Variants in IDS observed in about 807,000 individuals in gnomAD.
The protein encoded by IDS is alpha-L-iduronate sulfate sulfatase.
In IDS, 1 loss-of-function variant was observed where a neutral mutation model predicts 33.5. The observed-to-expected ratio is 0.03, with a 90% CI of 0.01 to 0.14. The LOEUF (loss-of-function observed/expected upper bound fraction) is 0.14. Among genes scored for constraint, IDS ranks in the 10% least tolerant of loss-of-function variants. The probability of loss-of-function intolerance (pLI) is 1.00; values close to 1 mark genes in which losing one functional copy is unlikely to be tolerated. For missense variants in IDS, 328 were observed against 448.0 expected (o/e 0.73, Z 2.42); for synonymous variants, 191 against 184.4 (o/e 1.04, Z -0.29).
At chrX:149,492,933 A>G (rs2089405414) in intron 6 of IDS, among the ~76,000 whole-genome samples, 2 of 109,889 alleles carry the variant, frequency 1.8e-5, no homozygotes, top group Admixed American at 1.9e-4. Flanking sequence ...TCCAGGTTTC[A>G]CATTCAGCTG....
At position 149,478,730 on chromosome X, in the gene IDS, T is replaced by C. The variant is rs1322930878; in HGVS notation, c.*4016A>G. The C allele has an allele frequency of 1.8e-5, 2 of 111,946 alleles. No individual in the cohort carries two copies. The highest frequency in any genetic ancestry group is 6.5e-5 in the African/African-American group (2 of 30,711). The allele number at this position is 111,946 out of a possible 1,213,427, so 9.2% of individuals were successfully genotyped here. A position where few individuals can be genotyped will look rare whatever the true frequency, so the allele number is the denominator to read the frequency against. On this transcript the variant is annotated 3_prime_UTR_variant, in exon 9 of 9. Transcript: ENST00000340855. ...AGCATATATTACTCTGATAATGGGGTGGAGAGACACAGTAAGCATAAAACC... is the reference window on the plus strand; with the variant it reads ...AGCATATATTACTCTGATAATGGGGCGGAGAGACACAGTAAGCATAAAACC...
chrX:149,482,692 C>T lies in IDS; in HGVS notation c.*54G>A, dbSNP rs1268353577. 8.3e-7 allele frequency: 1 copy of T among 1,208,453 alleles called. No individual in the cohort carries two copies. Among genetic ancestry groups the T allele is most frequent in the African/African-American group, 1.7e-5 (1 of 57,758 alleles). On this transcript the variant is annotated 3_prime_UTR_variant, in exon 9 of 9. Transcript: ENST00000340855. ...ACAAAACGACCAGCTCTAACTCCTCCTCTCACCAGCTGGAAGGGAGCACAT... is the reference window on the plus strand; with the variant it reads ...ACAAAACGACCAGCTCTAACTCCTCTTCTCACCAGCTGGAAGGGAGCACAT...
At chrX:149,504,967 AAAGAAGG>A (rs1479787826) in intron 1 of IDS, 61 bp downstream of exon 1, 2 of 806,623 alleles carry the variant, frequency 2.5e-6, no homozygotes, top group Non-Finnish European at 3.7e-6. Flanking sequence ...AGAAGGAAGG[AAAGAAGG>A]AAGGAGGAAG....
Position 149,487,387 on chromosome X carries a change from G to A in IDS, c.1007-289C>T, listed in dbSNP as rs782791530. The A allele has an allele frequency of 9.2e-5, 70 of 764,439 alleles. 2 individuals carry two copies. In the South Asian group the frequency reaches 1.4e-3, roughly 15 times the overall value. The allele number at this position is 764,439 out of a possible 1,213,427, so 63.0% of individuals were successfully genotyped here. On this transcript the variant is annotated intron_variant, in intron 7 of 8. Transcript: ENST00000340855. ...AAACTACTAGCAACATATACCTAACGTAGGACTCTGTGGCGGTTCCCACAC... is the reference window on the plus strand; with the variant it reads ...AAACTACTAGCAACATATACCTAACATAGGACTCTGTGGCGGTTCCCACAC...
rs180697990 is a variant in IDS at position 149,479,359 on chromosome X, T to C, written c.*3387A>G. 8.9e-6 allele frequency: 1 copy of C among 112,661 alleles called. No homozygotes were observed. Among genetic ancestry groups the C allele is most frequent in the Non-Finnish European group, 1.9e-5 (1 of 53,342 alleles). 9.3% of individuals were successfully genotyped at this position (112,661 alleles called of 1,213,427 possible). A position where few individuals can be genotyped will look rare whatever the true frequency, so the allele number is the denominator to read the frequency against. On this transcript the variant is annotated 3_prime_UTR_variant, in exon 9 of 9. Transcript: ENST00000340855. ...AGGTTACCACTTTCACCTATTACCA[T>C]CAGGTTGCTTATTTTTGTTTTATGT...
chrX:149,478,616 G>GA lies in IDS; in HGVS notation c.*4129dup, dbSNP rs1489622630. 1 of 112,560 alleles carries GA rather than the reference G, an allele frequency of 8.9e-6. No homozygotes were observed. Among genetic ancestry groups the GA allele is most frequent in the Non-Finnish European group, 1.9e-5 (1 of 53,304 alleles). 9.3% of individuals were successfully genotyped at this position (112,560 alleles called of 1,213,427 possible). ...CTTTAGGCAGGTAAAAGAATGAAAG[G>GA]AAATATACAAATGTCAGCAGTGGGT... On this transcript the variant is annotated 3_prime_UTR_variant, in exon 9 of 9. Coordinates refer to ENST00000340855, the MANE Select transcript of IDS (RefSeq NM_000202.8).
rs1196180401 is a variant in IDS at position 149,497,176 on chromosome X, GA to G, written c.709-661del. On this transcript the variant is annotated intron_variant, in intron 5 of 8. Coordinates refer to ENST00000340855, the MANE Select transcript of IDS (RefSeq NM_000202.8). ...AACATATCAAAATTCCAGGCTCCCA[GA>G]AAAAAAAAAACAAACCCAGGGGTTT... 0.021 allele frequency among the ~76,000 whole-genome samples: 2,199 copies of G among 102,540 alleles called. 66 individuals are homozygous for G. Among genetic ancestry groups the G allele is most frequent in the African/African-American group, 0.074 (2,093 of 28,323 alleles). The allele number at this position is 102,540 out of a possible 115,157, so 89.0% of individuals were successfully genotyped here.
At position 149,490,339 on chromosome X, in the gene IDS, G is replaced by A; in HGVS notation, c.981C>T (p.Thr327=). The change falls in exon 7 of 9, where the codon ACC becomes ACT. Residue 327 remains threonine, a synonymous_variant. Coordinates refer to ENST00000340855, the MANE Select transcript of IDS (RefSeq NM_000202.8). The stretch of plus-strand genomic sequence containing the variant: ...CATGATCCGAGGTAAATGCAATGAT[G>A]GTGCTGTTGGCCAGCTGAAGATCGT... ...ALDDLQLANS[T]IIAFTSDHGW... The A allele has an allele frequency of 8.3e-7, 1 of 1,210,600 alleles. No individual in the cohort carries two copies. Among genetic ancestry groups the A allele is most frequent in the Non-Finnish European group, 1.1e-6 (1 of 894,355 alleles).
rs1557340600 is a variant in IDS, at chrX:149,505,107, G to T, written c.31C>A (p.Leu11Ile). 1 of 1,202,116 alleles carries T rather than the reference G, an allele frequency of 8.3e-7. No individual in the cohort carries two copies. The highest frequency in any genetic ancestry group is 2.2e-5 in the Admixed American group (1 of 45,714). Residue 11 changes from leucine (L) to isoleucine (I), a missense_variant, in exon 1 of 9, where the codon CTC becomes ATC. By Grantham distance (5) the Leu-to-Ile change is conservative. This residue lies in a region of IDS where 45 missense variants were observed against 33.6 expected (regional missense o/e 1.34). Coordinates refer to ENST00000340855, the MANE Select transcript of IDS (RefSeq NM_000202.8). ...GAGCTCAGAACCAGACCCAGCCAGA[G>T]AAGGCCTCGGCCGGTCCGGGGTGGC... is the stretch of plus-strand genomic sequence containing the variant. MPPPRTGRGL[L>I]WLGLVLSSVC...
intron 8 of IDS, among the ~76,000 whole-genome samples, chrX:149,485,203 G>C (rs1004390628): frequency 8.9e-6 from 1 of 112,227 alleles, no homozygotes; most frequent in Non-Finnish European, 1.9e-5. Context: ...GTACATAAGA[G>C]GCTCCTGTGC....
At position 149,497,941 on chromosome X, in the gene IDS, G is replaced by C. The variant is rs781813954; in HGVS notation, c.708+166C>G. Among the ~76,000 whole-genome samples, 4 of 112,487 alleles carry C rather than the reference G, an allele frequency of 3.6e-5. No homozygotes were observed. In the South Asian group the frequency reaches 1.1e-3, roughly 31 times the overall value. ...AAGATTCTTACATGTTCTTGGCCTTGACCTCTAAATCCCATCTTTACTCCA... is the reference window on the plus strand; with the variant it reads ...AAGATTCTTACATGTTCTTGGCCTTCACCTCTAAATCCCATCTTTACTCCA... On this transcript the variant is annotated intron_variant, in intron 5 of 8. Coordinates refer to ENST00000340855, the MANE Select transcript of IDS (RefSeq NM_000202.8).
intron 6 of IDS, chrX:149,491,569 T>C (rs1189222779): frequency 1.0e-6 from 1 of 985,533 alleles, no homozygotes; most frequent in Non-Finnish European, 1.3e-6. Flanking sequence ...AGAAAAGATA[T>C]ACATCTAGCC....
At chrX:149,504,448 G>C (rs2089507146) in intron 1 of IDS, among the ~76,000 whole-genome samples, 155 bp from the exon 2 acceptor site, 1 of 111,806 alleles carries the variant, frequency 8.9e-6, no homozygotes, top group South Asian at 3.7e-4. Context: ...GGTGGGAGTG[G>C]GGCTCGAGGA....
At chrX:149,484,433 T>C (rs1557337805) in intron 8 of IDS, among the ~76,000 whole-genome samples, 1 of 112,538 alleles carries the variant, frequency 8.9e-6, no homozygotes, top group Non-Finnish European at 1.9e-5. Flanking sequence ...GTGATTCTCC[T>C]GCCTCAGCCT....
At chrX:149,495,352 T>C (rs2089427281) in intron 6 of IDS, 1 of 113,338 alleles carries the variant, frequency 8.8e-6, no homozygotes, top group Admixed American at 9.4e-5. Flanking sequence ...AGGGGCCAAG[T>C]AAGTTTGGAT....
rs181596380 is a variant in IDS, at chrX:149,488,768, A to G, written c.1006+1546T>C. ...ATACGGGGAAGTCTGGCTAAGGAGAACGCGTGCCTGTGTGGGCCCCAAGGA... is the reference window on the plus strand; with the variant it reads ...ATACGGGGAAGTCTGGCTAAGGAGAGCGCGTGCCTGTGTGGGCCCCAAGGA... On this transcript the variant is annotated intron_variant, in intron 7 of 8. Coordinates refer to ENST00000340855, the MANE Select transcript of IDS (RefSeq NM_000202.8). Among the ~76,000 whole-genome samples the G allele has an allele frequency of 6.1e-3, 680 of 111,383 alleles. 7 individuals carry two copies. The highest frequency in any genetic ancestry group is 0.021 in the African/African-American group (647 of 30,652).
intron 6 of IDS, among the ~76,000 whole-genome samples, chrX:149,490,958 C>T (rs1325964291): frequency 3.6e-5 from 4 of 111,624 alleles, no homozygotes; most frequent in Admixed American, 9.5e-5. Flanking sequence ...TAAAGGACAC[C>T]GATCATATTG....
In IDS at chrX:149,505,129, T is replaced by G; in HGVS notation, c.9A>C (p.Pro3=). 8.4e-7 allele frequency: 1 copy of G among 1,188,814 alleles called. No homozygotes were observed. Among genetic ancestry groups the G allele is most frequent in the Non-Finnish European group, 1.1e-6 (1 of 878,914 alleles). Residue 3 remains proline (P), a synonymous_variant, in exon 1 of 9, where the codon CCA becomes CCC. Coordinates refer to ENST00000340855, the MANE Select transcript of IDS (RefSeq NM_000202.8). ...AGAGAAGGCCTCGGCCGGTCCGGGG[T>G]GGCGGCATTTCGGCTTCGACGCGGC... MP[P]PRTGRGLLWL...
Position 149,492,081 on chromosome X carries a change from T to C in IDS, c.880-1641A>G, listed in dbSNP as rs1191445432. Among the ~76,000 whole-genome samples, 3 of 112,036 alleles carry C rather than the reference T, an allele frequency of 2.7e-5. No homozygotes were observed. In the Admixed American group the frequency reaches 2.8e-4, roughly 11 times the overall value. On this transcript the variant is annotated intron_variant, in intron 6 of 8. Transcript: ENST00000340855. ...CAGGGAACCTCACAAGCACAGACGA[T>C]CAAAGGTCAGTTCCTGGTCAACATA...
Sources: gnomAD v4.1 joint callset for allele counts (sites outside exome capture counted in the v4.1 genomes callset) on GRCh38, gnomAD v4.1.1 for gene constraint, gnomAD v4.1.1 regional missense constraint, MANE v1.5 for transcripts, NCBI Gene and HGNC (gene_info 2026-07-23, HGNC 2026-07-21) for gene names.